The following SYT17 variants were observed in gnomAD, a reference collection of about 807,000 sequenced individuals.
The protein encoded by SYT17 is synaptotagmin 17, also known as synaptotagmin-17.
A neutral mutation model predicts 46.7 loss-of-function variants in SYT17; 22 were observed. The observed-to-expected ratio is 0.47, with a 90% CI of 0.34 to 0.67. SYT17 has a LOEUF of 0.67. Among genes scored for constraint, SYT17 ranks in the 30% least tolerant of loss-of-function variants. The pLI, the probability that SYT17 is intolerant of heterozygous loss-of-function variation, is 0.01. For synonymous variants in SYT17, 251 were observed against 248.4 expected (o/e 1.01, Z -0.10); for missense variants, 519 against 612.8 (o/e 0.85, Z 1.62).
intron 7 of SYT17, among the ~76,000 whole-genome samples, chr16:19,256,125 A>C (rs1202412824): frequency 1.3e-5 from 2 of 152,186 alleles, no homozygotes; most frequent in Non-Finnish European, 2.9e-5. Context: ...TGCGGATTAA[A>C]TTTGTGTACT....
At chr16:19,173,219 G>A (rs996539909) in intron 2 of SYT17, 2 of 564,230 alleles carry the variant, frequency 3.5e-6, no homozygotes, top group Middle Eastern at 4.6e-4. Flanking sequence ...GCGAGTTGAT[G>A]TTTGCTATCT....
chr16:19,170,518 A>G (rs1345791529), intron 1 of SYT17: 1 of 152,166 alleles, frequency 6.6e-6, no homozygotes, highest in African/African-American at 2.4e-5. Flanking sequence ...ACCCAATGCC[A>G]GAAAGACTCA....
intron 5 of SYT17, among the ~76,000 whole-genome samples, chr16:19,196,717 C>T (rs1456757316): frequency 6.6e-6 from 1 of 152,106 alleles, no homozygotes; most frequent in African/African-American, 2.4e-5. Context: ...ACTGGTAAAC[C>T]TACACTGACA....
Position 19,168,300 on chromosome 16 carries a change from T to A in SYT17, c.-347T>A. ...CTGGGGTCGCTGCAGTCCCCGCAGC[T>A]GCCCCGGGCTGCTTGCCCAGGCGCC... On this transcript the variant is annotated 5_prime_UTR_variant, in exon 1 of 8. Transcript: ENST00000355377. This position sits in a 1 kb window ranked among gnomAD's most constrained non-coding sequence, Gnocchi z 6.9. 1 of 293,494 alleles carries A rather than the reference T, an allele frequency of 3.4e-6. No individual in the cohort carries two copies. The allele number at this position is 293,494 out of a possible 1,614,324, so 18.2% of individuals were successfully genotyped here.
At chr16:19,244,582 A>G (rs1298595486) in intron 7 of SYT17, among the ~76,000 whole-genome samples, 1 of 151,986 alleles carries the variant, frequency 6.6e-6, no homozygotes, top group Non-Finnish European at 1.5e-5. Flanking sequence ...CAATTTTCCC[A>G]TCTCAGCCTC....
Position 19,195,843 on chromosome 16 carries a change from G to A in SYT17, c.951+11696G>A, listed in dbSNP as rs990718554. ...CTACAAAAAATTTAAAACTTAGCCT[G>A]ATGTGGTGATGCACATCCACATTCG... On this transcript the variant is annotated intron_variant, in intron 5 of 7. Coordinates refer to ENST00000355377, the MANE Select transcript of SYT17 (RefSeq NM_016524.4). Among the ~76,000 whole-genome samples the A allele has an allele frequency of 7.9e-5, 12 of 152,128 alleles. No homozygotes were observed. In the South Asian group the frequency reaches 2.3e-3, roughly 29 times the overall value.
At chr16:19,173,239 C>A (rs1014164759) in intron 2 of SYT17, 191 bp from the exon 3 acceptor site, 2 of 563,310 alleles carry the variant, frequency 3.6e-6, no homozygotes, top group Non-Finnish European at 6.2e-6. Context: ...TTTGTGCCTG[C>A]AGTTGGTAAA....
intron 7 of SYT17, among the ~76,000 whole-genome samples, chr16:19,226,012 C>A (rs1297265706): frequency 6.6e-6 from 1 of 152,214 alleles, no homozygotes; most frequent in Non-Finnish European, 1.5e-5. Flanking sequence ...CTACTCACCA[C>A]AACAGGGATA....
intron 5 of SYT17, among the ~76,000 whole-genome samples, chr16:19,188,406 A>T (rs1964867122): frequency 6.7e-6 from 1 of 148,890 alleles, no homozygotes; most frequent in Middle Eastern, 3.2e-3. Flanking sequence ...TACCTGGGTG[A>T]TGAAATAATC....
chr16:19,251,734 C>T (rs1968087310), intron 7 of SYT17, among the ~76,000 whole-genome samples: 2 of 152,252 alleles, frequency 1.3e-5, no homozygotes, highest in South Asian at 4.2e-4. Context: ...CCTAGAGCCT[C>T]TTTTGGACAA....
At chr16:19,232,737 GGGA>G (rs1966746869) in intron 7 of SYT17, among the ~76,000 whole-genome samples, 1 of 152,036 alleles carries the variant, frequency 6.6e-6, no homozygotes, top group Admixed American at 6.6e-5. Context: ...AGGCTTAGGT[GGGA>G]GGATTGCTTG....
Position 19,267,154 on chromosome 16 carries a change from A to T in SYT17, c.*78A>T. 7.7e-7 allele frequency: 1 copy of T among 1,304,016 alleles called. No homozygotes were observed. Among genetic ancestry groups the T allele is most frequent in the Non-Finnish European group, 1.0e-6 (1 of 971,806 alleles). The allele number at this position is 1,304,016 out of a possible 1,614,324, so 80.8% of individuals were successfully genotyped here. On this transcript the variant is annotated 3_prime_UTR_variant, in exon 8 of 8. Transcript: ENST00000355377. ...AAAAAAATGTGTCACATACTATTAC[A>T]TCCACACCTGCATACACACTCGCAA...
chr16:19,193,519 G>A (rs1965110451), intron 5 of SYT17, among the ~76,000 whole-genome samples: 1 of 152,226 alleles, frequency 6.6e-6, no homozygotes, highest in African/African-American at 2.4e-5. Flanking sequence ...GAGCATTGTG[G>A]CTTAGGAAGC....
chr16:19,202,354 C>T (rs1965499960), intron 5 of SYT17, among the ~76,000 whole-genome samples: 1 of 152,206 alleles, frequency 6.6e-6, no homozygotes, highest in Non-Finnish European at 1.5e-5. Context: ...ATAAATGACA[C>T]AACTTAGGGA....
chr16:19,193,952 G>C (rs148438052), intron 5 of SYT17, among the ~76,000 whole-genome samples: 15 of 152,330 alleles, frequency 9.8e-5, no homozygotes, highest in African/African-American at 3.6e-4. Flanking sequence ...GGCAGTCAAC[G>C]AAGTCTGTTC....
intron 5 of SYT17, among the ~76,000 whole-genome samples, chr16:19,212,646 A>T (rs958444235): frequency 6.6e-6 from 1 of 152,140 alleles, no homozygotes; most frequent in Non-Finnish European, 1.5e-5. Flanking sequence ...TAAGAAATAA[A>T]CGGGGAAGTG....
chr16:19,185,418 C>T (rs1180681330), intron 5 of SYT17, among the ~76,000 whole-genome samples: 1 of 152,042 alleles, frequency 6.6e-6, no homozygotes, highest in Non-Finnish European at 1.5e-5. Context: ...GAGACCCCGT[C>T]TCTACAAAAA....
At chr16:19,208,187 G>C (rs568266520) in intron 5 of SYT17, among the ~76,000 whole-genome samples, 4 of 152,298 alleles carry the variant, frequency 2.6e-5, no homozygotes, top group African/African-American at 9.6e-5. Flanking sequence ...GCCACAGACT[G>C]GGAGGATACG....
chr16:19,172,962 C>G (rs1964159101), intron 2 of SYT17, 185 bp downstream of exon 2: 1 of 694,468 alleles, frequency 1.4e-6, no homozygotes, highest in Non-Finnish European at 2.4e-6. Context: ...CACCAGTTGA[C>G]AAGACAAGTT....
Sources: gnomAD v4.1 joint callset for allele counts (sites outside exome capture counted in the v4.1 genomes callset) on GRCh38, gnomAD v4.1.1 for gene constraint, Gnocchi (gnomAD v3.1) non-coding constraint, MANE v1.5 for transcripts, NCBI Gene and HGNC (gene_info 2026-07-23, HGNC 2026-07-21) for gene names.